The following TNC variants were observed in gnomAD, a reference collection of about 807,000 sequenced individuals.
TNC encodes tenascin C.
A neutral mutation model predicts 202.4 loss-of-function variants in TNC; 109 were observed. That is an observed-to-expected ratio of 0.54 (90% confidence interval 0.46 to 0.63). The LOEUF (loss-of-function observed/expected upper bound fraction) is 0.63. Among genes scored for constraint, TNC ranks in the 30% least tolerant of loss-of-function variants. The probability of loss-of-function intolerance (pLI) is 0.00; values close to 1 mark genes in which losing one functional copy is unlikely to be tolerated. For synonymous variants in TNC, 1,007 were observed against 1,089.7 expected, an observed-to-expected ratio of 0.92 and a Z score of 1.50; for missense variants, 2,756 against 2,833.3, an observed-to-expected ratio of 0.97 and a Z score of 0.62.
intron 13 of TNC, among the ~76,000 whole-genome samples, chr9:115,061,617 G>T (rs1386686760): frequency 6.6e-6 from 1 of 152,126 alleles, no homozygotes; most frequent in Non-Finnish European, 1.5e-5. Flanking sequence ...CAACCACCAA[G>T]TTTATCTGTT....
Position 115,087,162 on chromosome 9 carries a change from C to T in TNC, c.569G>A (p.Cys190Tyr). ...WKGPNCSEPECPGNCHLRGRC... is the reference protein window; with the variant it reads ...WKGPNCSEPEYPGNCHLRGRC... Reference sequence around the variant, plus strand: ...GCCTCGAAGGTGACAGTTGCCTGGACATTCGGGCTCAGAGCAGTTGGGGCC... The same window carrying T: ...GCCTCGAAGGTGACAGTTGCCTGGATATTCGGGCTCAGAGCAGTTGGGGCC... Residue 190 changes from cysteine (C) to tyrosine (Y), a missense_variant, in exon 3 of 28, where the codon TGT (cysteine) becomes TAT (tyrosine). Cys to Tyr is a radical substitution (Grantham distance 194). This residue lies in a region of TNC where 2,559 missense variants were observed against 2,546.0 expected (regional missense o/e 1.01). Coordinates refer to ENST00000350763, the MANE Select transcript of TNC (RefSeq NM_002160.4). The T allele has an allele frequency of 1.2e-6, 2 of 1,614,254 alleles. No homozygotes were observed. Among genetic ancestry groups the T allele is most frequent in the South Asian group, 2.2e-5 (2 of 91,092 alleles).
intron 1 of TNC, among the ~76,000 whole-genome samples, chr9:115,095,006 C>T (rs1835530658): frequency 6.6e-6 from 1 of 152,028 alleles, no homozygotes; most frequent in Non-Finnish European, 1.5e-5. Flanking sequence ...GTAGCAGGTT[C>T]CAAAGCACCA....
chr9:115,108,396 C>T (rs1207249814), intron 1 of TNC, among the ~76,000 whole-genome samples: 2 of 152,152 alleles, frequency 1.3e-5, no homozygotes, highest in Non-Finnish European at 2.9e-5. Context: ...TTCCCTGAAC[C>T]ATCCATTGGC....
rs1283400359 is a variant in TNC, at chr9:115,081,942, G to T, written c.2248-14C>A. The T allele has an allele frequency of 6.3e-7, 1 of 1,579,206 alleles. No homozygotes were observed. The highest frequency in any genetic ancestry group is 8.5e-7 in the Non-Finnish European group (1 of 1,171,320). On this transcript the variant is annotated splice_polypyrimidine_tract_variant and intron_variant, in intron 5 of 27. Transcript: ENST00000350763. ...ATCTTCTTTATTCTGAGAGATAGAG[G>T]CAGCTTGGTAAGAGTTAGGGGAGGT...
chr9:115,042,874 C>T (rs946557969), intron 17 of TNC, among the ~76,000 whole-genome samples: 18 of 152,150 alleles, frequency 1.2e-4, no homozygotes, highest in African/African-American at 4.1e-4. Flanking sequence ...GAGTAGGCAG[C>T]AGAGCCAAGC....
Position 115,087,075 on chromosome 9 carries a change from A to G in TNC, c.656T>C (p.Leu219Pro), listed in dbSNP as rs1045440152. Residue 219 changes from leucine to proline, a missense_variant, in exon 3 of 28, where the codon CTG becomes CCG. This residue lies in a region of TNC where 2,559 missense variants were observed against 2,546.0 expected (regional missense o/e 1.01). Coordinates refer to ENST00000350763, the MANE Select transcript of TNC (RefSeq NM_002160.4). ...GTCATTGCAGTCGCTGGGGCAAGCCAGCTGGCTGCAGTCCTCGCCCGTGAA... is the reference window on the plus strand; with the variant it reads ...GTCATTGCAGTCGCTGGGGCAAGCCGGCTGGCTGCAGTCCTCGCCCGTGAA... ...DGFTGEDCSQ[L>P]ACPSDCNDQG... 4.9e-5 allele frequency: 79 copies of G among 1,614,060 alleles called. 1 individual carries two copies. The Admixed American group carries it at 1.3e-3, about 27-fold the overall frequency.
chr9:115,113,409 A>C (rs3789867), intron 1 of TNC, among the ~76,000 whole-genome samples: 56,760 of 151,812 alleles, frequency 0.37, 11,950 homozygotes, highest in East Asian at 0.61. Flanking sequence ...ACTTACTAGA[A>C]GCTATGGTTG....
chr9:115,104,989 A>G (rs1836503945), intron 1 of TNC, among the ~76,000 whole-genome samples: 1 of 152,212 alleles, frequency 6.6e-6, no homozygotes, highest in Non-Finnish European at 1.5e-5. Flanking sequence ...TAGCAAAACT[A>G]GACAGCTTTG....
rs181543234 is a variant in TNC, at chr9:115,095,598, A to G, written c.-136-4444T>C. On this transcript the variant is annotated intron_variant, in intron 1 of 27. Transcript: ENST00000350763. ...TATGTATATATATGTATATATATGT[A>G]TATATATATGTATATATGTATATAT... Among the ~76,000 whole-genome samples, 19 of 1,940 alleles carry G rather than the reference A, an allele frequency of 9.8e-3. 1 individual carries two copies. The highest frequency in any genetic ancestry group is 0.023 in the African/African-American group (18 of 792). The allele number at this position is 1,940 out of a possible 152,430, so 1.3% of individuals were successfully genotyped here.
intron 15 of TNC, among the ~76,000 whole-genome samples, chr9:115,055,070 A>C (rs952516895): frequency 9.2e-5 from 10 of 108,612 alleles, no homozygotes; most frequent in African/African-American, 3.5e-4. Context: ...TTTCTGACCA[A>C]GTCACCAGAA....
Position 115,064,848 on chromosome 9 carries a change from C to T in TNC, c.3286G>A (p.Ala1096Thr), listed in dbSNP as rs138406927. 5.5e-4 allele frequency: 891 copies of T among 1,614,176 alleles called. 4 individuals are homozygous for T. The African/African-American group carries it at 0.01, about 19-fold the overall frequency. Reference protein sequence around the residue: ...GWDGLRLNWTAADQAYEHFII... With the variant: ...GWDGLRLNWTTADQAYEHFII... ...AAGTGCTCATAGGCCTGGTCAGCTGCGGTCCAGTTGAGTCTGAGGCCATCC... is the reference window on the plus strand; with the variant it reads ...AAGTGCTCATAGGCCTGGTCAGCTGTGGTCCAGTTGAGTCTGAGGCCATCC... Residue 1096 changes from alanine to threonine, a missense_variant, in exon 11 of 28, where the codon GCA becomes ACA. Transcript: ENST00000350763.
Position 115,030,672 on chromosome 9 carries a change from A to G in TNC, c.5921-267T>C, listed in dbSNP as rs1289176012. ...CATGAGCTGTTTTCTTATTTATTTCACAGCCCTAGTATAAGAGCATCTTTA... is the reference window on the plus strand; with the variant it reads ...CATGAGCTGTTTTCTTATTTATTTCGCAGCCCTAGTATAAGAGCATCTTTA... On this transcript the variant is annotated intron_variant, in intron 23 of 27. Transcript: ENST00000350763. 2.6e-5 allele frequency among the ~76,000 whole-genome samples: 4 copies of G among 152,258 alleles called. 1 individual carries two copies. Among genetic ancestry groups the G allele is most frequent in the African/African-American group, 9.6e-5 (4 of 41,560 alleles).
intron 2 of TNC, 74 bp downstream of exon 2, chr9:115,090,488 G>A (rs1400457322): frequency 7.9e-7 from 1 of 1,259,248 alleles, no homozygotes; most frequent in African/African-American, 1.5e-5. Flanking sequence ...TTGGAAGCAA[G>A]TGATGGATGC....
At chr9:115,037,591 G>A (rs1163190126) in intron 20 of TNC, among the ~76,000 whole-genome samples, 1 of 151,980 alleles carries the variant, frequency 6.6e-6, no homozygotes, top group African/African-American at 2.4e-5. Context: ...GCAGTGGTGC[G>A]ATCTCGGCTC....
In TNC at chr9:115,086,516, C is replaced by G. The variant is rs375133574; in HGVS notation, c.1215G>C (p.Glu405Asp). Residue 405 changes from glutamate to aspartate, a missense_variant, in exon 3 of 28, where the codon GAG (glutamate) becomes GAC (aspartate). Coordinates refer to ENST00000350763, the MANE Select transcript of TNC (RefSeq NM_002160.4). The part of the protein sequence containing the change: ...DDGFTGADCG[E>D]LKCPNGCSGH... ...CACTGCAGCCATTGGGACACTTGAG[C>G]TCCCCACAGTCAGCTCCAGTGAAAC... is the stretch of plus-strand genomic sequence containing the variant. The G allele has an allele frequency of 4.3e-6, 7 of 1,613,772 alleles. No individual in the cohort carries two copies. The highest frequency in any genetic ancestry group is 5.9e-6 in the Non-Finnish European group (7 of 1,180,024).
At chr9:115,030,534 T>A in intron 23 of TNC, 129 bp from the exon 24 acceptor site, 1 of 1,078,064 alleles carries the variant, frequency 9.3e-7, no homozygotes, top group African/African-American at 1.6e-5. Context: ...TGCAAACAAT[T>A]AAAAACTCAT....
intron 15 of TNC, among the ~76,000 whole-genome samples, chr9:115,052,529 T>C (rs1321445625): frequency 2.6e-5 from 4 of 151,792 alleles, no homozygotes; most frequent in Admixed American, 2.0e-4. Context: ...GTGATTGATA[T>C]GTTAATTAGG....
intron 15 of TNC, among the ~76,000 whole-genome samples, chr9:115,052,149 C>T (rs1831732859): frequency 6.6e-6 from 1 of 151,208 alleles, no homozygotes; most frequent in Non-Finnish European, 1.5e-5. Context: ...AAAATTCTGT[C>T]ATTTTCAACA....
At chr9:115,038,914 G>A (rs904143310) in intron 19 of TNC, among the ~76,000 whole-genome samples, 3 of 151,944 alleles carry the variant, frequency 2.0e-5, no homozygotes, top group African/African-American at 4.8e-5. Flanking sequence ...TGCAACCTCT[G>A]CCTCCCGGGT....
Sources: allele counts gnomAD v4.1 joint callset (sites outside exome capture counted in the v4.1 genomes callset), GRCh38; gene constraint gnomAD v4.1.1; regional missense constraint gnomAD v4.1.1; transcripts MANE v1.5; gene names NCBI Gene and HGNC (gene_info 2026-07-23, HGNC 2026-07-21).